The following HYCC2 variants were observed in gnomAD, a reference collection of about 807,000 sequenced individuals.
HYCC2 encodes the protein hyccin 2.
the HYCC2 span, among the ~76,000 whole-genome samples, chr2:201,065,098 G>C: frequency 6.6e-6 from 1 of 152,134 alleles, no homozygotes; most frequent in African/African-American, 2.4e-5. Flanking sequence ...CTGTCACCAA[G>C]ACACTCTTGT....
At chr2:201,006,189 G>A in the HYCC2 span, among the ~76,000 whole-genome samples, 24 of 147,592 alleles carry the variant, frequency 1.6e-4, no homozygotes, top group East Asian at 2.6e-3. Context: ...GTGCACTGGC[G>A]TGATCTCAGC....
the HYCC2 span, chr2:200,981,310 C>T: frequency 1.2e-5 from 19 of 1,613,842 alleles, no homozygotes; most frequent in South Asian, 6.6e-5. The surrounding 1 kb of genome is among the most constrained non-coding windows in gnomAD (Gnocchi z 4.5). Flanking sequence ...ACTTGGGGAT[C>T]GAGACTGCTT....
the HYCC2 span, among the ~76,000 whole-genome samples, chr2:201,054,353 A>G: frequency 1.3e-5 from 2 of 152,256 alleles, no homozygotes; most frequent in Non-Finnish European, 2.9e-5. Context: ...AACTGTGAAT[A>G]AAATGACTTG....
the HYCC2 span, among the ~76,000 whole-genome samples, chr2:201,070,136 T>C: frequency 1.3e-5 from 2 of 152,180 alleles, no homozygotes; most frequent in Non-Finnish European, 2.9e-5. Flanking sequence ...TTTTATGTCG[T>C]TTGCCCTTCC....
the HYCC2 span, among the ~76,000 whole-genome samples, chr2:201,070,238 T>C: frequency 1.4e-4 from 22 of 152,182 alleles, no homozygotes; most frequent in Non-Finnish European, 1.5e-5. Flanking sequence ...GATAATTTAG[T>C]TAATTATATC....
chr2:201,040,806 A>G, the HYCC2 span, among the ~76,000 whole-genome samples: 1 of 152,138 alleles, frequency 6.6e-6, no homozygotes, highest in East Asian at 1.9e-4. Flanking sequence ...TCTGCATTCA[A>G]TCTGTTGCAG....
the HYCC2 span, among the ~76,000 whole-genome samples, chr2:201,028,564 T>C: frequency 6.6e-6 from 1 of 152,102 alleles, no homozygotes; most frequent in African/African-American, 2.4e-5. Context: ...CTTCAAACTA[T>C]ACTACAAGGC....
the HYCC2 span, among the ~76,000 whole-genome samples, chr2:201,040,471 T>G: frequency 8.6e-5 from 13 of 151,926 alleles, no homozygotes; most frequent in African/African-American, 2.7e-4. Context: ...TTTTTTTTTT[T>G]TGTGAATCTC....
At chr2:201,070,802 AT>A in the HYCC2 span, among the ~76,000 whole-genome samples, 2 of 152,114 alleles carry the variant, frequency 1.3e-5, no homozygotes, top group African/African-American at 4.8e-5. Flanking sequence ...CCTACTGTAC[AT>A]TTTTAAAGGA....
the HYCC2 span, chr2:200,977,119 C>G: frequency 6.6e-6 from 1 of 152,166 alleles, no homozygotes; most frequent in African/African-American, 2.4e-5. Context: ...ATCCTTACAT[C>G]TGTAGATATA....
At chr2:200,983,400 C>T in the HYCC2 span, among the ~76,000 whole-genome samples, 1 of 151,950 alleles carries the variant, frequency 6.6e-6, no homozygotes, top group Non-Finnish European at 1.5e-5. Flanking sequence ...TAACATAGCA[C>T]CTGGAAAAAT....
chr2:201,048,249 A>AT, the HYCC2 span, among the ~76,000 whole-genome samples: 1 of 152,182 alleles, frequency 6.6e-6, no homozygotes, highest in African/African-American at 2.4e-5. Flanking sequence ...TTATATACAT[A>AT]TATCAAACAA....
the HYCC2 span, among the ~76,000 whole-genome samples, chr2:201,043,585 T>C: frequency 1.5e-4 from 23 of 151,310 alleles, no homozygotes; most frequent in East Asian, 1.4e-3. Flanking sequence ...CTCAGCTCAC[T>C]GCAAGCTCCG....
chr2:201,030,331 T>C, the HYCC2 span, among the ~76,000 whole-genome samples: 2 of 152,038 alleles, frequency 1.3e-5, no homozygotes, highest in Non-Finnish European at 2.9e-5. Flanking sequence ...ATAATAAATT[T>C]TGAAATAATT....
chr2:201,015,196 T>C, the HYCC2 span, among the ~76,000 whole-genome samples: 1 of 152,230 alleles, frequency 6.6e-6, no homozygotes, highest in Non-Finnish European at 1.5e-5. Flanking sequence ...AGGTGCCTTG[T>C]GCTGCCCAAG....
chr2:201,038,238 A>G, the HYCC2 span, among the ~76,000 whole-genome samples: 3 of 152,306 alleles, frequency 2.0e-5, no homozygotes, highest in East Asian at 5.8e-4. Context: ...CAAAGTCAGG[A>G]AACAACAGGT....
At chr2:201,062,973 C>G in the HYCC2 span, 5 of 1,218,896 alleles carry the variant, frequency 4.1e-6, no homozygotes, top group South Asian at 5.2e-5. Flanking sequence ...GCTGCTATTA[C>G]TATTAATAGC....
At chr2:201,027,764 AC>A in the HYCC2 span, among the ~76,000 whole-genome samples, 25 of 152,152 alleles carry the variant, frequency 1.6e-4, no homozygotes, top group African/African-American at 3.6e-4. Flanking sequence ...AAATTCAACA[AC>A]CCTTCATGCT....
At chr2:201,000,660 T>C in the HYCC2 span, among the ~76,000 whole-genome samples, 1 of 152,174 alleles carries the variant, frequency 6.6e-6, no homozygotes, top group African/African-American at 2.4e-5. Context: ...AGCATGACAG[T>C]TCCTCAAGAA....
Sources: allele counts gnomAD v4.1 joint callset (sites outside exome capture counted in the v4.1 genomes callset), GRCh38; gene constraint gnomAD v4.1.1; non-coding constraint Gnocchi (gnomAD v3.1); transcripts MANE v1.5; gene names NCBI Gene and HGNC (gene_info 2026-07-23, HGNC 2026-07-21).